The following XAB2 variants were observed in gnomAD, a reference collection of about 807,000 sequenced individuals.
XAB2 encodes the protein pre-mRNA-splicing factor SYF1.
A neutral mutation model predicts 113.4 loss-of-function variants in XAB2; 57 were observed. The ratio of observed to expected loss-of-function variants is 0.50; its 90% confidence interval spans 0.41 to 0.63. The LOEUF is 0.63. Among genes scored for constraint, XAB2 ranks in the 20% least tolerant of loss-of-function variants. The probability of loss-of-function intolerance (pLI) is 0.00; values close to 1 mark genes in which losing one functional copy is unlikely to be tolerated. For missense variants in XAB2, 1,037 were observed against 1,233.3 expected, an observed-to-expected ratio of 0.84 and a Z score of 2.38; for synonymous variants, 497 against 498.8, an observed-to-expected ratio of 1.00 and a Z score of 0.05.
In XAB2 at chr19:7,627,132, G is replaced by T; in HGVS notation, c.522+111C>A. On this transcript the variant is annotated intron_variant, in intron 4 of 18. Transcript: ENST00000358368. This position sits in a 1 kb window ranked among gnomAD's most constrained non-coding sequence, Gnocchi z 4.5. ...AACAACAAAACACATGCATCTCCAGGAGCCTCTTCCCACATCCCGTCTGCT... is the reference window on the plus strand; with the variant it reads ...AACAACAAAACACATGCATCTCCAGTAGCCTCTTCCCACATCCCGTCTGCT... The T allele has an allele frequency of 8.2e-7, 1 of 1,225,882 alleles. No individual in the cohort carries two copies. Among genetic ancestry groups the T allele is most frequent in the Non-Finnish European group, 1.2e-6 (1 of 868,388 alleles). 75.9% of individuals were successfully genotyped at this position (1,225,882 alleles called of 1,614,324 possible). A position where few individuals can be genotyped will look rare whatever the true frequency, so the allele number is the denominator to read the frequency against.
chr19:7,620,937 T>C lies in XAB2; in HGVS notation c.1880A>G (p.Gln627Arg), dbSNP rs756652870. 35 of 1,594,442 alleles carry C rather than the reference T, an allele frequency of 2.2e-5. No homozygotes were observed. In the East Asian group the frequency reaches 3.6e-4, roughly 17 times the overall value. The change falls in exon 14 of 19, where the codon CAG (glutamine) becomes CGG (arginine). Residue 627 changes from glutamine (Q) to arginine (R), a missense_variant. Transcript: ENST00000358368. ...GTAGATGTTGAACATGTCATACTGC[T>C]GGGCGGGCTCCACGGCCCTGGTGGC... ...ERATRAVEPA[Q>R]QYDMFNIYIK...
At chr19:7,622,156 T>A in intron 12 of XAB2, 175 bp downstream of exon 12, 2 of 630,738 alleles carry the variant, frequency 3.2e-6, no homozygotes, top group South Asian at 1.9e-5. Flanking sequence ...GCCCTGCCCA[T>A]GCCTCGATCC....
chr19:7,625,637 TCTGA>T lies in XAB2; in HGVS notation c.822+239_822+242del, dbSNP rs1186548360. On this transcript the variant is annotated intron_variant, in intron 6 of 18. Transcript: ENST00000358368. This position sits in a 1 kb window ranked among gnomAD's most constrained non-coding sequence, Gnocchi z 5.2. Reference sequence around the variant, plus strand: ...GGGATTACAGGCGCGCACCACCATGTCTGACTAATTTTTGTATTTTTAGTAGTGA... The same window carrying T: ...GGGATTACAGGCGCGCACCACCATGTCTAATTTTTGTATTTTTAGTAGTGA... Among the ~76,000 whole-genome samples, 1 of 151,984 alleles carries T rather than the reference TCTGA, an allele frequency of 6.6e-6. No homozygotes were observed. Among genetic ancestry groups the T allele is most frequent in the Non-Finnish European group, 1.5e-5 (1 of 67,976 alleles).
Position 7,625,894 on chromosome 19 carries a change from C to T in XAB2, c.808G>A (p.Gly270Ser), listed in dbSNP as rs762314041. Residue 270 changes from glycine (G) to serine (S), a missense_variant, in exon 6 of 19, where the codon GGC becomes AGC. Transcript: ENST00000358368. This position sits in a 1 kb window ranked among gnomAD's most constrained non-coding sequence, Gnocchi z 5.2. ...CSLADYYIRSGHFEKARDVYE... is the reference protein window; with the variant it reads ...CSLADYYIRSSHFEKARDVYE... The stretch of plus-strand genomic sequence containing the variant: ...CCAGCATGCACCTTCTCGAAATGGC[C>T]GCTGCGGATGTAGTAGTCGGCGAGA... The T allele has an allele frequency of 6.2e-6, 10 of 1,607,346 alleles. No homozygotes were observed. Among genetic ancestry groups the T allele is most frequent in the Middle Eastern group, 1.7e-4 (1 of 6,028 alleles).
chr19:7,627,772 C>T lies in XAB2; in HGVS notation c.280G>A (p.Asp94Asn). The T allele has an allele frequency of 6.2e-7, 1 of 1,614,104 alleles. No homozygotes were observed. The highest frequency in any genetic ancestry group is 8.5e-7 in the Non-Finnish European group (1 of 1,180,014). Reference sequence around the variant, plus strand: ...GCCCTCTCATGACAGTTGTTGACATCTTCATAGGCAGGGTCGGTCACACAG... The same window carrying T: ...GCCCTCTCATGACAGTTGTTGACATTTTCATAGGCAGGGTCGGTCACACAG... The part of the protein sequence containing the change: ...HRCVTDPAYE[D>N]VNNCHERAFV... The change falls in exon 3 of 19, where the codon GAT becomes AAT. Residue 94 changes from aspartate to asparagine, a missense_variant. Transcript: ENST00000358368. This position sits in a 1 kb window ranked among gnomAD's most constrained non-coding sequence, Gnocchi z 4.5.
Position 7,628,517 on chromosome 19 carries a change from T to C in XAB2, c.52-219A>G, listed in dbSNP as rs945003170. Among the ~76,000 whole-genome samples the C allele has an allele frequency of 6.6e-6, 1 of 151,558 alleles. No individual in the cohort carries two copies. The highest frequency in any genetic ancestry group is 1.5e-5 in the Non-Finnish European group (1 of 67,920). ...CCCCTCAGAATTCAACTACCCAAAA[T>C]CGAACCCAAATCATCAGACTTCTCA... On this transcript the variant is annotated intron_variant, in intron 1 of 18. Coordinates refer to ENST00000358368, the MANE Select transcript of XAB2 (RefSeq NM_020196.3). The surrounding 1 kb of genome is among the most constrained non-coding windows in gnomAD (Gnocchi z 4.6).
Position 7,627,095 on chromosome 19 carries a change from T to C in XAB2, c.522+148A>G, listed in dbSNP as rs558123504. The C allele has an allele frequency of 2.2e-6, 2 of 922,802 alleles. No individual in the cohort carries two copies. The highest frequency in any genetic ancestry group is 1.7e-5 in the African/African-American group (1 of 60,060). 57.2% of individuals were successfully genotyped at this position (922,802 alleles called of 1,614,324 possible). A position where few individuals can be genotyped will look rare whatever the true frequency, so the allele number is the denominator to read the frequency against. ...ACAAACTATTTGGAAAATAAAGACA[T>C]GAATCACGGACAACAACAAAACACA... On this transcript the variant is annotated intron_variant, in intron 4 of 18. Coordinates refer to ENST00000358368, the MANE Select transcript of XAB2 (RefSeq NM_020196.3). This position sits in a 1 kb window ranked among gnomAD's most constrained non-coding sequence, Gnocchi z 4.5.
rs753888128 is a variant in XAB2 at position 7,626,026 on chromosome 19, C to T, written c.676G>A (p.Asp226Asn). 24 of 1,609,992 alleles carry T rather than the reference C, an allele frequency of 1.5e-5. No individual in the cohort carries two copies. The highest frequency in any genetic ancestry group is 1.9e-5 in the Non-Finnish European group (22 of 1,177,056). Residue 226 changes from aspartate to asparagine, a missense_variant, in exon 6 of 19, where the codon GAC becomes AAC. Asp to Asn is a conservative substitution (Grantham distance 23, BLOSUM62 1). Coordinates refer to ENST00000358368, the MANE Select transcript of XAB2 (RefSeq NM_020196.3). ...SNYQLWHELC[D>N]LISQNPDKVQ... ...TTGTCCGGATTCTGGGAGATGAGGTCGCACAGCTCGTGCCACAGCTGCAGG... is the reference window on the plus strand; with the variant it reads ...TTGTCCGGATTCTGGGAGATGAGGTTGCACAGCTCGTGCCACAGCTGCAGG...
In XAB2 at chr19:7,624,389, T is replaced by C. The variant is rs773364159; in HGVS notation, c.879A>G (p.Thr293=). 2 of 1,614,156 alleles carry C rather than the reference T, an allele frequency of 1.2e-6. No individual in the cohort carries two copies. Among genetic ancestry groups the C allele is most frequent in the Non-Finnish European group, 1.7e-6 (2 of 1,180,012 alleles). ...ACTGGGCGTAGCTGTCAAACACCTGTGTGAAGTCCCGCACGGTCATCACTG... is the reference window on the plus strand; with the variant it reads ...ACTGGGCGTAGCTGTCAAACACCTGCGTGAAGTCCCGCACGGTCATCACTG... ...IRTVMTVRDF[T]QVFDSYAQFE... Residue 293 remains threonine, a synonymous_variant, in exon 7 of 19, where the codon ACA becomes ACG. Transcript: ENST00000358368. The surrounding 1 kb of genome is among the most constrained non-coding windows in gnomAD (Gnocchi z 4.2).
At position 7,626,035 on chromosome 19, in the gene XAB2, C is replaced by T. The variant is rs1304072904; in HGVS notation, c.667G>A (p.Glu223Lys). 3.1e-6 allele frequency: 5 copies of T among 1,608,968 alleles called. No individual in the cohort carries two copies. Among genetic ancestry groups the T allele is most frequent in the East Asian group, 4.5e-5 (2 of 44,768 alleles). ...AGKSNYQLWH[E>K]LCDLISQNPD... ...TTCTGGGAGATGAGGTCGCACAGCT[C>T]GTGCCACAGCTGCAGGGCATGGGGC... The change falls in exon 6 of 19, where the codon GAG becomes AAG. Residue 223 changes from glutamate to lysine, a missense_variant. Transcript: ENST00000358368.
In XAB2 at chr19:7,626,009, A is replaced by G; in HGVS notation, c.693T>C (p.Asn231=). Residue 231 remains asparagine (N), a synonymous_variant, in exon 6 of 19, where the codon AAT becomes AAC. Coordinates refer to ENST00000358368, the MANE Select transcript of XAB2 (RefSeq NM_020196.3). The part of the protein sequence containing the change: ...WHELCDLISQ[N]PDKVQSLNVD... ...CATTGAGGGACTGTACCTTGTCCGG[A>G]TTCTGGGAGATGAGGTCGCACAGCT... 6.2e-7 allele frequency: 1 copy of G among 1,612,196 alleles called. No individual in the cohort carries two copies. The highest frequency in any genetic ancestry group is 1.1e-5 in the South Asian group (1 of 90,988).
chr19:7,627,939 G>A lies in XAB2; in HGVS notation c.201-88C>T, dbSNP rs1297964909. ...GCCCTGCCCCAGTTGGCAAATGTGGGAAGAAGGGGTGTGGGAGGGGTGACA... is the reference window on the plus strand; with the variant it reads ...GCCCTGCCCCAGTTGGCAAATGTGGAAAGAAGGGGTGTGGGAGGGGTGACA... On this transcript the variant is annotated intron_variant, in intron 2 of 18. Transcript: ENST00000358368. The surrounding 1 kb of genome is among the most constrained non-coding windows in gnomAD (Gnocchi z 4.5). 8 of 1,559,224 alleles carry A rather than the reference G, an allele frequency of 5.1e-6. No homozygotes were observed. The East Asian group carries it at 1.8e-4, about 35-fold the overall frequency.
Position 7,620,797 on chromosome 19 carries a change from C to G in XAB2, c.1971+49G>C, listed in dbSNP as rs368116580. ...CCCTCCCACCTGCCTGGACCCCTTC[C>G]GTCTGCTCAGGGACCTCTGGCCCCG... On this transcript the variant is annotated intron_variant, in intron 14 of 18. Transcript: ENST00000358368. 2.8e-3 allele frequency: 4,375 copies of G among 1,563,970 alleles called. 6 individuals are homozygous for G. The highest frequency in any genetic ancestry group is 3.6e-3 in the Non-Finnish European group (4,102 of 1,152,818).
chr19:7,627,202 T>C lies in XAB2; in HGVS notation c.522+41A>G. On this transcript the variant is annotated intron_variant, in intron 4 of 18. Transcript: ENST00000358368. This position sits in a 1 kb window ranked among gnomAD's most constrained non-coding sequence, Gnocchi z 4.5. ...GCTAGTGTCACAGTGAGGCCGTTTC[T>C]GGAAACTAACCTGGGGAACCAGCGC... 1 of 1,603,384 alleles carries C rather than the reference T, an allele frequency of 6.2e-7. No individual in the cohort carries two copies. Among genetic ancestry groups the C allele is most frequent in the Non-Finnish European group, 8.5e-7 (1 of 1,177,824 alleles).
chr19:7,623,009 CACACA>C lies in XAB2; in HGVS notation c.1240-121_1240-117del. ...ATACAGGCACAAACACACAGGCACA[CACACA>C]GGCACACACATGCGTGCACATATGC... On this transcript the variant is annotated intron_variant, in intron 9 of 18. Coordinates refer to ENST00000358368, the MANE Select transcript of XAB2 (RefSeq NM_020196.3). This position sits in a 1 kb window ranked among gnomAD's most constrained non-coding sequence, Gnocchi z 4.6. 7.8e-6 allele frequency: 12 copies of C among 1,540,584 alleles called. No homozygotes were observed. The highest frequency in any genetic ancestry group is 1.0e-5 in the Non-Finnish European group (12 of 1,144,282).
rs1215103999 is a variant in XAB2, at chr19:7,620,648, G to A, written c.1993C>T (p.Arg665Cys). Residue 665 changes from arginine (R) to cysteine (C), a missense_variant, in exon 15 of 19, where the codon CGT becomes TGT. Coordinates refer to ENST00000358368, the MANE Select transcript of XAB2 (RefSeq NM_020196.3). ...AIEVLSDEHA[R>C]EMCLRFADME... The stretch of plus-strand genomic sequence containing the variant: ...TCTGCAAACCGCAGGCACATCTCAC[G>A]CGCGTGCTCGTCCGACAGCACCTGG... 9 of 1,612,808 alleles carry A rather than the reference G, an allele frequency of 5.6e-6. No individual in the cohort carries two copies. The highest frequency in any genetic ancestry group is 2.2e-5 in the East Asian group (1 of 44,882).
rs1599371833 is a variant in XAB2 at position 7,623,608 on chromosome 19, G to A, written c.1119+123C>T. On this transcript the variant is annotated intron_variant, in intron 8 of 18. Transcript: ENST00000358368. This position sits in a 1 kb window ranked among gnomAD's most constrained non-coding sequence, Gnocchi z 4.6. ...GGAGGAGAACCCCAAGAACAGGGGT[G>A]GAATTGGACCTACTAAGCAAAGTCA... is the stretch of plus-strand genomic sequence containing the variant. The A allele has an allele frequency of 3.0e-6, 4 of 1,342,818 alleles. No individual in the cohort carries two copies. The highest frequency in any genetic ancestry group is 2.5e-4 in the Middle Eastern group (1 of 3,970). 83.2% of individuals were successfully genotyped at this position (1,342,818 alleles called of 1,614,324 possible). A position where few individuals can be genotyped will look rare whatever the true frequency, so the allele number is the denominator to read the frequency against.
At position 7,622,420 on chromosome 19, in the gene XAB2, T is replaced by C; in HGVS notation, c.1528A>G (p.Ile510Val). 1 of 1,614,152 alleles carries C rather than the reference T, an allele frequency of 6.2e-7. No homozygotes were observed. Among genetic ancestry groups the C allele is most frequent in the African/African-American group, 1.3e-5 (1 of 75,038 alleles). ...GGTGTTGCGATACGCAGGTCCAGGA[T>C]GCGGTCGTACACGGCCTTGGTGGAC... is the stretch of plus-strand genomic sequence containing the variant. ...FQSTKAVYDR[I>V]LDLRIATPQI... Residue 510 changes from isoleucine (I) to valine (V), a missense_variant, in exon 12 of 19, where the codon ATC (isoleucine) becomes GTC (valine). Physicochemically the swap from Ile to Val is conservative, Grantham distance 29. Coordinates refer to ENST00000358368, the MANE Select transcript of XAB2 (RefSeq NM_020196.3).
In XAB2 at chr19:7,620,644, T is replaced by G; in HGVS notation, c.1997A>C (p.Glu666Ala). The G allele has an allele frequency of 6.2e-7, 1 of 1,612,924 alleles. No individual in the cohort carries two copies. Among genetic ancestry groups the G allele is most frequent in the Non-Finnish European group, 8.5e-7 (1 of 1,179,934 alleles). Residue 666 changes from glutamate (E) to alanine (A), a missense_variant, in exon 15 of 19, where the codon GAG becomes GCG. By Grantham distance (107) the Glu-to-Ala change is moderately radical. Coordinates refer to ENST00000358368, the MANE Select transcript of XAB2 (RefSeq NM_020196.3). ...CATGTCTGCAAACCGCAGGCACATCTCACGCGCGTGCTCGTCCGACAGCAC... is the reference window on the plus strand; with the variant it reads ...CATGTCTGCAAACCGCAGGCACATCGCACGCGCGTGCTCGTCCGACAGCAC... The part of the protein sequence containing the change: ...IEVLSDEHAR[E>A]MCLRFADMEC...
Sources: gnomAD v4.1 joint callset for allele counts (sites outside exome capture counted in the v4.1 genomes callset) on GRCh38, gnomAD v4.1.1 for gene constraint, Gnocchi (gnomAD v3.1) non-coding constraint, MANE v1.5 for transcripts, NCBI Gene and HGNC (gene_info 2026-07-23, HGNC 2026-07-21) for gene names.